Variants in RBP2 observed in about 807,000 individuals in gnomAD.
The protein encoded by RBP2 is retinol binding protein 2, also known as retinol-binding protein 2.
Under a neutral mutation model 17.0 loss-of-function variants are expected in RBP2, and 17 were observed. That is an observed-to-expected ratio of 1.00 (90% CI 0.68 to 1.50). RBP2 has a LOEUF of 1.50. Ranked by LOEUF, RBP2 falls within the 40% of genes most tolerant of loss-of-function variation. RBP2 has a pLI of 0.00. For missense variants in RBP2, 158 were observed against 168.2 expected (o/e 0.94, Z 0.33); for synonymous variants, 48 against 57.1 (o/e 0.84, Z 0.72).
At chr3:139,456,464 A>G (rs1016184571) in intron 2 of RBP2, among the ~76,000 whole-genome samples, 1 of 152,180 alleles carries the variant, frequency 6.6e-6, no homozygotes, top group South Asian at 2.1e-4. Context: ...AGCTTCGTAA[A>G]TTCTGTCAGT....
intron 1 of RBP2, among the ~76,000 whole-genome samples, chr3:139,464,018 A>G (rs144018102): frequency 8.5e-4 from 130 of 152,310 alleles, no homozygotes; most frequent in African/African-American, 2.8e-3. Flanking sequence ...GACAAACACT[A>G]TATTGTGGCC....
At chr3:139,474,350 A>G (rs1933659012) in intron 1 of RBP2, among the ~76,000 whole-genome samples, 1 of 152,148 alleles carries the variant, frequency 6.6e-6, no homozygotes, top group Non-Finnish European at 1.5e-5. Flanking sequence ...AGGAGGAGAA[A>G]GAGGGTGGTA....
intron 2 of RBP2, among the ~76,000 whole-genome samples, chr3:139,458,973 C>G (rs763945913): frequency 8.5e-5 from 13 of 152,068 alleles, no homozygotes; most frequent in Admixed American, 7.2e-4. Flanking sequence ...AAGGGGAGTC[C>G]CTGACTCCTC....
rs1943339002 is a variant in RBP2 at position 139,453,054 on chromosome 3, C to G, written c.*62G>C. 4.4e-6 allele frequency: 7 copies of G among 1,595,112 alleles called. No homozygotes were observed. In the South Asian group the frequency reaches 6.6e-5, roughly 15 times the overall value. ...AGGTCCCCACAGCTGTTTCTCAAAG[C>G]CAGTAGACCACTCAGTGTGGGCAGT... On this transcript the variant is annotated 3_prime_UTR_variant, in exon 4 of 4. Coordinates refer to ENST00000232217, the MANE Select transcript of RBP2 (RefSeq NM_004164.3).
At chr3:139,470,470 T>G (rs2107881854) in intron 1 of RBP2, among the ~76,000 whole-genome samples, 1 of 152,156 alleles carries the variant, frequency 6.6e-6, no homozygotes, top group South Asian at 2.1e-4. Context: ...GCTTGCAATC[T>G]TGCCCTCCTA....
chr3:139,476,437 G>A lies in RBP2; in HGVS notation c.23C>T (p.Thr8Ile), dbSNP rs139451828. 1.9e-5 allele frequency: 31 copies of A among 1,613,778 alleles called. No individual in the cohort carries two copies. In the African/African-American group the frequency reaches 3.6e-4, roughly 19 times the overall value. MTRDQNG[T>I]WEMESNENFE... ...GTTTTCATTACTCTCCATCTCCCAG[G>A]TTCCATTCTGGTCCCTTGTCATGGT... Residue 8 changes from threonine to isoleucine, a missense_variant, in exon 1 of 4, where the codon ACC becomes ATC. Physicochemically the swap from Thr to Ile is moderately conservative, Grantham distance 89. Transcript: ENST00000232217.
At chr3:139,459,067 A>G (rs1045998853) in intron 2 of RBP2, among the ~76,000 whole-genome samples, 2 of 152,052 alleles carry the variant, frequency 1.3e-5, no homozygotes, top group Admixed American at 1.3e-4. Flanking sequence ...AGGGCACAAC[A>G]TGCACCTCTC....
chr3:139,458,585 C>A (rs921176798), intron 2 of RBP2, among the ~76,000 whole-genome samples: 1 of 152,128 alleles, frequency 6.6e-6, no homozygotes, highest in Non-Finnish European at 1.5e-5. Flanking sequence ...TCTTCACGCC[C>A]CAAAAGGAAC....
intron 3 of RBP2, among the ~76,000 whole-genome samples, chr3:139,454,023 A>G (rs904549080): frequency 3.3e-5 from 5 of 151,502 alleles, no homozygotes; most frequent in Admixed American, 3.3e-4. Context: ...TACCTGCCTC[A>G]TTCCAAAGGT....
chr3:139,465,084 A>G (rs540775468), intron 1 of RBP2, among the ~76,000 whole-genome samples: 1 of 152,362 alleles, frequency 6.6e-6, no homozygotes, highest in Non-Finnish European at 1.5e-5. Flanking sequence ...TGATACAGCA[A>G]TTGTAGTGGC....
chr3:139,454,133 G>A (rs1337886813), intron 3 of RBP2, among the ~76,000 whole-genome samples: 2 of 152,196 alleles, frequency 1.3e-5, no homozygotes, highest in Non-Finnish European at 2.9e-5. Context: ...CCATTTGAAT[G>A]CTGAACCCAT....
intron 1 of RBP2, among the ~76,000 whole-genome samples, chr3:139,467,849 C>G (rs563365952): frequency 6.6e-6 from 1 of 152,268 alleles, no homozygotes; most frequent in South Asian, 2.1e-4. Context: ...CTGATACACT[C>G]TCTTACTGTC....
chr3:139,469,638 T>C (rs77691566), intron 1 of RBP2, among the ~76,000 whole-genome samples: 1,778 of 152,166 alleles, frequency 0.012, 16 homozygotes, highest in Middle Eastern at 0.024. Flanking sequence ...ATGAAACAAA[T>C]TCTTAATTGG....
At chr3:139,471,721 C>T (rs1192141039) in intron 1 of RBP2, among the ~76,000 whole-genome samples, 1 of 152,186 alleles carries the variant, frequency 6.6e-6, no homozygotes, top group Non-Finnish European at 1.5e-5. Flanking sequence ...TCCTCCCTGA[C>T]TCTTCCTCCT....
intron 1 of RBP2, 67 bp downstream of exon 1, chr3:139,476,320 G>T: frequency 7.3e-7 from 1 of 1,378,968 alleles, no homozygotes; most frequent in Non-Finnish European, 1.0e-6. Context: ...TAGCAGCACT[G>T]TCTGGAGGGC....
chr3:139,454,703 T>G, intron 3 of RBP2, 26 bp downstream of exon 3: 1 of 1,608,220 alleles, frequency 6.2e-7, no homozygotes, highest in Non-Finnish European at 8.5e-7. Context: ...ACAATGGAAG[T>G]GAGCTGAGCA....
rs397941333 is a variant in RBP2, at chr3:139,475,324, TAAAAAAAAAAAA to T, written c.73+1051_73+1062del. Among the ~76,000 whole-genome samples, 4 of 71,592 alleles carry T rather than the reference TAAAAAAAAAAAA, an allele frequency of 5.6e-5. No homozygotes were observed. The East Asian group carries it at 1.4e-3, about 25-fold the overall frequency. The allele number at this position is 71,592 out of a possible 152,430, so 47.0% of individuals were successfully genotyped here. On this transcript the variant is annotated intron_variant, in intron 1 of 3. Transcript: ENST00000232217. ...ACAGAGCGAGACTCTGTCCCCAAAA[TAAAAAAAAAAAA>T]AAAAAAAAAAAAGAACATGAAGAAA... is the stretch of plus-strand genomic sequence containing the variant.
At chr3:139,474,358 G>A (rs558439512) in intron 1 of RBP2, among the ~76,000 whole-genome samples, 1 of 152,268 alleles carries the variant, frequency 6.6e-6, no homozygotes, top group South Asian at 2.1e-4. Context: ...AAAGAGGGTG[G>A]TAGGAATGCT....
At chr3:139,461,612 T>G (rs536934875) in intron 2 of RBP2, among the ~76,000 whole-genome samples, 1 of 152,292 alleles carries the variant, frequency 6.6e-6, no homozygotes, top group East Asian at 1.9e-4. Flanking sequence ...ATAATTGAGA[T>G]GTTTCATTTT....
Sources: allele counts gnomAD v4.1 joint callset (sites outside exome capture counted in the v4.1 genomes callset), GRCh38; gene constraint gnomAD v4.1.1; transcripts MANE v1.5; gene names NCBI Gene and HGNC (gene_info 2026-07-23, HGNC 2026-07-21).